Variants in ARAP2 observed in about 807,000 individuals in gnomAD.
ARAP2 encodes arf-GAP with Rho-GAP domain, ANK repeat and PH domain-containing protein 2.
Under a neutral mutation model 194.5 loss-of-function variants are expected in ARAP2, and 148 were observed. The ratio of observed to expected loss-of-function variants is 0.76; its 90% CI spans 0.67 to 0.87. The LOEUF (loss-of-function observed/expected upper bound fraction) is 0.87. Ranked by LOEUF, ARAP2 falls within the 40% of genes least tolerant of loss-of-function variation. The pLI is 0.00. For missense variants in ARAP2, 2,128 were observed against 1,989.7 expected, an observed-to-expected ratio of 1.07 and a Z score of -1.32; for synonymous variants, 695 against 683.5, an observed-to-expected ratio of 1.02 and a Z score of -0.26.
chr4:36,226,509 GC>G (rs201658279), intron 2 of ARAP2, among the ~76,000 whole-genome samples: 62 of 150,606 alleles, frequency 4.1e-4, no homozygotes, highest in East Asian at 5.8e-4. Flanking sequence ...TATCTTTTAA[GC>G]CCCCCCCCAC....
chr4:36,135,381 C>T (rs755323112), intron 19 of ARAP2, among the ~76,000 whole-genome samples: 48 of 151,698 alleles, frequency 3.2e-4, no homozygotes, highest in Non-Finnish European at 6.3e-4. Flanking sequence ...ACAAAGATAC[C>T]TGCACCTTAC....
chr4:36,039,337 C>T (rs1482471719), intron 5 of ARAP2, among the ~76,000 whole-genome samples: 1 of 152,170 alleles, frequency 6.6e-6, no homozygotes, highest in Non-Finnish European at 1.5e-5. Flanking sequence ...TCTGCATAGC[C>T]GTTACTAGTC....
chr4:36,068,107 T>G lies in ARAP2; in HGVS notation c.4915A>C (p.Thr1639Pro). The change falls in exon 33 of 33, where the codon ACA (threonine) becomes CCA (proline). Residue 1639 changes from threonine to proline, a missense_variant. Thr to Pro is a conservative substitution (Grantham distance 38). Transcript: ENST00000303965. The stretch of plus-strand genomic sequence containing the variant: ...TGCCCAAGTGGGGCTTCAGGCTCTG[T>G]GTCCTCCAGGCAGTTGAAACTCCGA... Reference protein sequence around the residue: ...KHRSFNCLEDTEPEAPLGQPK... With the variant: ...KHRSFNCLEDPEPEAPLGQPK... 6.2e-7 allele frequency: 1 copy of G among 1,614,162 alleles called. No individual in the cohort carries two copies. The highest frequency in any genetic ancestry group is 8.5e-7 in the Non-Finnish European group (1 of 1,179,994).
intron 24 of ARAP2, among the ~76,000 whole-genome samples, chr4:36,118,079 T>C (rs541851070): frequency 2.6e-5 from 4 of 151,444 alleles, no homozygotes; most frequent in African/African-American, 7.2e-5. Flanking sequence ...GAAAAAAATT[T>C]TGTGGGGAAA....
In ARAP2 at chr4:36,099,909, C is replaced by T. The variant is rs555489476; in HGVS notation, c.4285+7656G>A. 7.9e-5 allele frequency among the ~76,000 whole-genome samples: 12 copies of T among 152,164 alleles called. No homozygotes were observed. In the South Asian group the frequency reaches 2.3e-3, roughly 29 times the overall value. ...TTAATGGAGGGAGGACATAATTTTTCTGTGTTGCAGAATCTAAGGCAAACA... is the reference window on the plus strand; with the variant it reads ...TTAATGGAGGGAGGACATAATTTTTTTGTGTTGCAGAATCTAAGGCAAACA... On this transcript the variant is annotated intron_variant, in intron 27 of 32. Transcript: ENST00000303965.
At position 36,206,820 on chromosome 4, in the gene ARAP2, G is replaced by A. The variant is rs116674566; in HGVS notation, c.1487+3570C>T. 5.6e-3 allele frequency among the ~76,000 whole-genome samples: 854 copies of A among 152,088 alleles called. 12 individuals carry two copies. Among genetic ancestry groups the A allele is most frequent in the African/African-American group, 0.02 (814 of 41,470 alleles). On this transcript the variant is annotated intron_variant, in intron 6 of 32. Coordinates refer to ENST00000303965, the MANE Select transcript of ARAP2 (RefSeq NM_015230.4). ...CATGATCAACTTTTAGCTGTCTCAG[G>A]CTCACACTGCCACATCAGTCCTTCT...
intron 27 of ARAP2, among the ~76,000 whole-genome samples, chr4:36,095,403 T>C (rs1278477573): frequency 1.3e-5 from 2 of 152,114 alleles, no homozygotes; most frequent in African/African-American, 4.8e-5. Context: ...AGCCAGAAAA[T>C]AAGATTCAGA....
chr4:36,065,295 C>T (rs536094293), downstream of ARAP2: 19 of 474,562 alleles, frequency 4.0e-5, no homozygotes, highest in Admixed American at 2.4e-4. Context: ...CACCCTTGAC[C>T]TCATGGCTGC....
chr4:36,162,346 C>A (rs1734295422), intron 11 of ARAP2, among the ~76,000 whole-genome samples: 1 of 152,094 alleles, frequency 6.6e-6, no homozygotes, highest in Non-Finnish European at 1.5e-5. Flanking sequence ...TAAGTGTGTA[C>A]TTAAAAATCT....
chr4:36,053,323 A>C (rs181169989), intron 2 of ARAP2, among the ~76,000 whole-genome samples: 2 of 149,242 alleles, frequency 1.3e-5, no homozygotes, highest in Non-Finnish European at 3.0e-5. Context: ...GTTTTTTATA[A>C]AAAAAAAAAA....
At chr4:36,037,863 T>C (rs1720205147) in intron 5 of ARAP2, among the ~76,000 whole-genome samples, 1 of 152,330 alleles carries the variant, frequency 6.6e-6, no homozygotes, top group East Asian at 1.9e-4. Flanking sequence ...GATTTTATGA[T>C]TTAACTCTTA....
intron 6 of ARAP2, among the ~76,000 whole-genome samples, chr4:36,016,553 T>G (rs1031289469): frequency 1.3e-5 from 2 of 152,142 alleles, no homozygotes; most frequent in Non-Finnish European, 2.9e-5. Flanking sequence ...CAGATTGTGT[T>G]TGCATAGAAT....
At chr4:36,073,860 T>G (rs1727622368) in intron 31 of ARAP2, 37 bp from the exon 32 acceptor site, 1 of 1,610,726 alleles carries the variant, frequency 6.2e-7, no homozygotes, top group Admixed American at 1.7e-5. Context: ...GGTGTGTGAT[T>G]TTATTATGTG....
chr4:36,073,250 G>A (rs1727453348), intron 32 of ARAP2, among the ~76,000 whole-genome samples: 1 of 152,018 alleles, frequency 6.6e-6, no homozygotes, highest in African/African-American at 2.4e-5. Context: ...CATCTTGTAG[G>A]TCCTTAAATT....
downstream of ARAP2, among the ~76,000 whole-genome samples, chr4:36,061,150 G>A (rs1198892305): frequency 6.6e-6 from 1 of 152,138 alleles, no homozygotes; most frequent in East Asian, 1.9e-4. Context: ...GGGAAGCAAT[G>A]TTTACTAATC....
chr4:36,096,741 C>CT lies in ARAP2; in HGVS notation c.4286-4722dup, dbSNP rs1164282044. The stretch of plus-strand genomic sequence containing the variant: ...TAAATAATTACTGAAAAATATACTG[C>CT]TAAAATTTGTCTTCTGGTACAATGT... On this transcript the variant is annotated intron_variant, in intron 27 of 32. Transcript: ENST00000303965. Among the ~76,000 whole-genome samples the CT allele has an allele frequency of 3.9e-5, 6 of 152,108 alleles. No individual in the cohort carries two copies. In the East Asian group the frequency reaches 1.2e-3, roughly 30 times the overall value.
intron 6 of ARAP2, among the ~76,000 whole-genome samples, chr4:36,196,138 C>T (rs1343805257): frequency 2.6e-5 from 4 of 152,208 alleles, no homozygotes; most frequent in African/African-American, 9.6e-5. Flanking sequence ...CCTGCCAAAA[C>T]ATCAAGTATA....
intron 6 of ARAP2, among the ~76,000 whole-genome samples, chr4:36,199,582 G>A (rs1452320243): frequency 2.6e-5 from 4 of 152,036 alleles, no homozygotes; most frequent in African/African-American, 7.2e-5. Context: ...GAGCCACCAC[G>A]CCTGACCAAA....
At chr4:36,212,997 T>C (rs1747102831) in intron 4 of ARAP2, among the ~76,000 whole-genome samples, 1 of 152,048 alleles carries the variant, frequency 6.6e-6, no homozygotes, top group African/African-American at 2.4e-5. Context: ...AACCCAATCT[T>C]GTGGCAAATT....
Sources: allele counts gnomAD v4.1 joint callset (sites outside exome capture counted in the v4.1 genomes callset), GRCh38; gene constraint gnomAD v4.1.1; transcripts MANE v1.5; gene names NCBI Gene and HGNC (gene_info 2026-07-23, HGNC 2026-07-21).